Variants in PPARGC1A observed in about 807,000 individuals in gnomAD.
PPARGC1A encodes PPARG coactivator 1 alpha.
PPARGC1A carries 25 observed loss-of-function variants against 88.7 expected under a neutral mutation model. The observed-to-expected ratio is 0.28, with a 90% confidence interval of 0.21 to 0.39. The LOEUF (loss-of-function observed/expected upper bound fraction) is 0.39, where lower values mean the gene tolerates loss of function less well. PPARGC1A is among the 10% of genes least tolerant of loss of function. The pLI, the probability that PPARGC1A is intolerant of heterozygous loss-of-function variation, is 1.00. For synonymous variants in PPARGC1A, 363 were observed against 355.6 expected, an observed-to-expected ratio of 1.02 and a Z score of -0.24; for missense variants, 880 against 968.7, an observed-to-expected ratio of 0.91 and a Z score of 1.22.
chr4:24,059,432 C>T, the PPARGC1A span, among the ~76,000 whole-genome samples: 28 of 152,158 alleles, frequency 1.8e-4, no homozygotes, highest in African/African-American at 6.0e-4. Flanking sequence ...CAAGCCCAAG[C>T]AAGCTGTTTT....
rs576748574 is a variant in PPARGC1A, at chr4:23,840,790, T to TTTG, written c.235-9042_235-9040dup. The stretch of plus-strand genomic sequence containing the variant: ...AGAATATATGGATTTTCATTCTTCT[T>TTTG]TTGTTGTTGTTGTTGTTATTTTCTT... On this transcript the variant is annotated intron_variant, in intron 2 of 12. Transcript: ENST00000264867. Among the ~76,000 whole-genome samples, 19 of 152,248 alleles carry TTTG rather than the reference T, an allele frequency of 1.2e-4. No homozygotes were observed. In the South Asian group the frequency reaches 1.4e-3, roughly 12 times the overall value.
the PPARGC1A span, among the ~76,000 whole-genome samples, chr4:24,107,212 T>C: frequency 2.0e-5 from 3 of 152,256 alleles, no homozygotes; most frequent in Non-Finnish European, 4.4e-5. Context: ...ATCTGTTAAT[T>C]AATATACTGT....
the PPARGC1A span, among the ~76,000 whole-genome samples, chr4:23,912,849 C>T: frequency 4.0e-5 from 6 of 150,228 alleles, no homozygotes; most frequent in Non-Finnish European, 7.4e-5. Flanking sequence ...AGTGCAGTGG[C>T]GGGATCTCTG....
chr4:24,036,389 G>C, the PPARGC1A span, among the ~76,000 whole-genome samples: 1 of 152,006 alleles, frequency 6.6e-6, no homozygotes, highest in African/African-American at 2.4e-5. Flanking sequence ...TGCACTCCTG[G>C]GTTTATATCC....
the PPARGC1A span, among the ~76,000 whole-genome samples, chr4:24,367,354 A>C: frequency 6.6e-6 from 1 of 152,200 alleles, no homozygotes; most frequent in Non-Finnish European, 1.5e-5. Flanking sequence ...AGGTTGAAAG[A>C]GCAGACACAG....
chr4:24,253,957 G>A, the PPARGC1A span, among the ~76,000 whole-genome samples: 1 of 152,268 alleles, frequency 6.6e-6, no homozygotes, highest in African/African-American at 2.4e-5. Context: ...ACCAATGATG[G>A]ACCAGTTCCT....
the PPARGC1A span, among the ~76,000 whole-genome samples, chr4:24,066,176 C>T: frequency 5.3e-5 from 8 of 151,928 alleles, no homozygotes; most frequent in Admixed American, 1.3e-4. Context: ...CAGAGCCGAA[C>T]GAGGGAGGAC....
the PPARGC1A span, among the ~76,000 whole-genome samples, chr4:24,443,072 C>T: frequency 1.3e-5 from 2 of 152,022 alleles, no homozygotes; most frequent in African/African-American, 4.8e-5. Context: ...TATGTAGTTC[C>T]TGGGATCACA....
At chr4:24,013,517 A>C in the PPARGC1A span, among the ~76,000 whole-genome samples, 1 of 152,056 alleles carries the variant, frequency 6.6e-6, no homozygotes, top group African/African-American at 2.4e-5. Context: ...CTTTCCTAAT[A>C]GACTGTAACC....
At chr4:24,275,338 A>C in the PPARGC1A span, among the ~76,000 whole-genome samples, 1 of 152,238 alleles carries the variant, frequency 6.6e-6, no homozygotes, top group African/African-American at 2.4e-5. Context: ...GAGTTGCTAC[A>C]AGGTCTGTGT....
the PPARGC1A span, among the ~76,000 whole-genome samples, chr4:24,313,095 T>A: frequency 6.6e-6 from 1 of 152,206 alleles, no homozygotes; most frequent in Non-Finnish European, 1.5e-5. Flanking sequence ...AAACAGCGAA[T>A]GATAACACAA....
the PPARGC1A span, among the ~76,000 whole-genome samples, chr4:24,445,847 C>T: frequency 6.6e-6 from 1 of 152,050 alleles, no homozygotes; most frequent in Non-Finnish European, 1.5e-5. Flanking sequence ...GCGGGCGGAT[C>T]GCTTGAGGCC....
the PPARGC1A span, among the ~76,000 whole-genome samples, chr4:24,140,979 G>A: frequency 3.1e-3 from 473 of 152,240 alleles, no homozygotes; most frequent in African/African-American, 0.011. Context: ...TCTCTAAACC[G>A]TCTCAAATAG....
chr4:24,283,049 G>A, the PPARGC1A span, among the ~76,000 whole-genome samples: 5 of 152,150 alleles, frequency 3.3e-5, no homozygotes, highest in East Asian at 1.9e-4. Context: ...CAACTCAGTC[G>A]CTGGCCCTCA....
chr4:24,347,894 T>A, the PPARGC1A span, among the ~76,000 whole-genome samples: 1 of 152,220 alleles, frequency 6.6e-6, no homozygotes, highest in Non-Finnish European at 1.5e-5. Context: ...ATGTGATTTA[T>A]GCTTTAAAGA....
the PPARGC1A span, among the ~76,000 whole-genome samples, chr4:24,064,997 C>T: frequency 2.0e-5 from 3 of 152,186 alleles, no homozygotes; most frequent in Non-Finnish European, 2.9e-5. Context: ...GCATTGAGCT[C>T]TCTAAAGAAT....
chr4:24,249,565 AGAG>A, the PPARGC1A span, among the ~76,000 whole-genome samples: 1 of 152,198 alleles, frequency 6.6e-6, no homozygotes, highest in Non-Finnish European at 1.5e-5. Flanking sequence ...GTTTACAGTC[AGAG>A]AAGGAGGAAC....
the PPARGC1A span, among the ~76,000 whole-genome samples, chr4:24,469,215 A>G: frequency 1.8e-4 from 27 of 152,378 alleles, no homozygotes; most frequent in African/African-American, 2.2e-4. Context: ...GATGAGATTT[A>G]AAGTATCGCC....
the PPARGC1A span, among the ~76,000 whole-genome samples, chr4:24,387,937 A>G: frequency 7.9e-6 from 1 of 126,388 alleles, no homozygotes; most frequent in Non-Finnish European, 1.7e-5. Context: ...AAAGAAAGAG[A>G]AAGAAAGAAA....
Sources: gnomAD v4.1 joint callset for allele counts (sites outside exome capture counted in the v4.1 genomes callset) on GRCh38, gnomAD v4.1.1 for gene constraint, MANE v1.5 for transcripts, NCBI Gene and HGNC (gene_info 2026-07-23, HGNC 2026-07-21) for gene names.